The following MLLT10 variants were observed in gnomAD, a reference collection of about 807,000 sequenced individuals.
MLLT10 encodes MLLT10 histone lysine methyltransferase DOT1L cofactor.
A neutral mutation model predicts 129.1 loss-of-function variants in MLLT10; 30 were observed. The observed-to-expected ratio is 0.23, with a 90% CI of 0.17 to 0.32. The LOEUF is 0.32. Ranked by LOEUF, MLLT10 falls within the 10% of genes least tolerant of loss-of-function variation. The pLI is 1.00. For missense variants in MLLT10, 1,119 were observed against 1,268.3 expected (o/e 0.88, Z 1.79); for synonymous variants, 490 against 446.4 (o/e 1.10, Z -1.23).
chr10:21,617,982 C>T (rs2045433735), intron 8 of MLLT10, among the ~76,000 whole-genome samples: 1 of 151,942 alleles, frequency 6.6e-6, no homozygotes, highest in Admixed American at 6.6e-5. Context: ...CCAGTGCACA[C>T]CAGCTTGGGA....
intron 13 of MLLT10, among the ~76,000 whole-genome samples, chr10:21,690,498 G>A (rs2053748001): frequency 6.6e-6 from 1 of 152,048 alleles, no homozygotes; most frequent in South Asian, 2.1e-4. Context: ...TTTCTTTTTA[G>A]TGTACTTCAG....
rs142968195 is a variant in MLLT10, at chr10:21,612,969, G to A, written c.509+518G>A. On this transcript the variant is annotated intron_variant, in intron 6 of 22. Transcript: ENST00000307729. ...AGCACTTTGGGAGGCCGAGGTGGGT[G>A]GATCACCTGAGGTCAGGAGGTCCAG... Among the ~76,000 whole-genome samples the A allele has an allele frequency of 4.1e-3, 624 of 152,120 alleles. 26 individuals carry two copies. In the East Asian group the frequency reaches 0.11, roughly 27 times the overall value.
chr10:21,691,372 A>G (rs1165855196), intron 13 of MLLT10, among the ~76,000 whole-genome samples: 1 of 152,204 alleles, frequency 6.6e-6, no homozygotes, highest in Non-Finnish European at 1.5e-5. Flanking sequence ...TGATATATAC[A>G]TATGGATATA....
At chr10:21,665,439 C>T (rs571333151) in intron 9 of MLLT10, among the ~76,000 whole-genome samples, 82 of 151,948 alleles carry the variant, frequency 5.4e-4, no homozygotes, top group Non-Finnish European at 1.0e-3. Context: ...CAGGTATGTG[C>T]CACCACGCCC....
intron 5 of MLLT10, among the ~76,000 whole-genome samples, chr10:21,610,984 C>CTTTTTTTTTTTT (rs71393913): frequency 4.9e-4 from 50 of 102,888 alleles, no homozygotes; most frequent in Non-Finnish European, 6.9e-4. Context: ...TCTTTTTTCT[C>CTTTTTTTTTTTT]TTTTTTTTTT....
chr10:21,547,806 T>C (rs781740973), intron 3 of MLLT10, among the ~76,000 whole-genome samples: 2 of 152,340 alleles, frequency 1.3e-5, no homozygotes, highest in Non-Finnish European at 2.9e-5. Context: ...CCCAAAGTGC[T>C]GGTATTACAG....
intron 17 of MLLT10, among the ~76,000 whole-genome samples, chr10:21,732,648 G>GGTAT (rs2058060180): frequency 1.3e-5 from 2 of 151,992 alleles, no homozygotes; most frequent in South Asian, 4.2e-4. Flanking sequence ...TGTGTTTTTT[G>GGTAT]GTATGTGGCA....
chr10:21,662,564 T>G (rs2050319615), intron 9 of MLLT10, among the ~76,000 whole-genome samples: 1 of 152,214 alleles, frequency 6.6e-6, no homozygotes. Flanking sequence ...CATTTCTGAT[T>G]TGCTTTCATT....
chr10:21,600,888 G>A (rs2043461594), intron 5 of MLLT10, among the ~76,000 whole-genome samples: 2 of 151,906 alleles, frequency 1.3e-5, no homozygotes, highest in Non-Finnish European at 2.9e-5. Context: ...CTTTTTCTCA[G>A]GAATAGTAAA....
intron 5 of MLLT10, among the ~76,000 whole-genome samples, chr10:21,602,014 A>C (rs1361098028): frequency 1.3e-5 from 2 of 152,200 alleles, no homozygotes; most frequent in Non-Finnish European, 2.9e-5. Context: ...AGACAGGTCA[A>C]ATTTGAGAAA....
At position 21,551,478 on chromosome 10, in the gene MLLT10, T is replaced by A. The variant is rs1055168397; in HGVS notation, c.240+12566T>A. Among the ~76,000 whole-genome samples, 3 of 151,156 alleles carry A rather than the reference T, an allele frequency of 2.0e-5. No homozygotes were observed. The South Asian group carries it at 6.2e-4, about 31-fold the overall frequency. ...TTCAGCATAATATCGTAAGTTCCTA[T>A]AGCTTTCAAAGAGGTGGTTTTCAAA... On this transcript the variant is annotated intron_variant, in intron 3 of 22. Transcript: ENST00000307729.
At chr10:21,655,205 T>C (rs2049441655) in intron 9 of MLLT10, among the ~76,000 whole-genome samples, 1 of 152,096 alleles carries the variant, frequency 6.6e-6, no homozygotes, top group South Asian at 2.1e-4. Context: ...GACTGGAGGT[T>C]ATAAAAGATT....
At chr10:21,626,752 TAA>T (rs920858803) in intron 8 of MLLT10, among the ~76,000 whole-genome samples, 68 of 152,314 alleles carry the variant, frequency 4.5e-4, no homozygotes, top group African/African-American at 1.6e-3. Context: ...TTTGTCTTTG[TAA>T]AAGTTTTCTA....
At position 21,673,337 on chromosome 10, in the gene MLLT10, T is replaced by G; in HGVS notation, c.1052-13T>G. The G allele has an allele frequency of 2.8e-6, 3 of 1,053,594 alleles. No homozygotes were observed. The highest frequency in any genetic ancestry group is 3.7e-6 in the Non-Finnish European group (3 of 801,264). The allele number at this position is 1,053,594 out of a possible 1,614,324, so 65.3% of individuals were successfully genotyped here. A position where few individuals can be genotyped will look rare whatever the true frequency, so the allele number is the denominator to read the frequency against. On this transcript the variant is annotated splice_polypyrimidine_tract_variant and intron_variant, in intron 10 of 22. Coordinates refer to ENST00000307729, the MANE Select transcript of MLLT10 (RefSeq NM_001195626.3). The stretch of plus-strand genomic sequence containing the variant: ...CCCCAACTTTTTTTTTTTTTTTTTT[T>G]TTTAAACTACAGGCAGTTTTTCAGG...
At chr10:21,561,374 C>A (rs146966337) in intron 3 of MLLT10, among the ~76,000 whole-genome samples, 373 of 152,236 alleles carry the variant, frequency 2.5e-3, no homozygotes, top group African/African-American at 8.3e-3. Context: ...GATTCTTCTG[C>A]CTCACCCTTC....
intron 16 of MLLT10, among the ~76,000 whole-genome samples, chr10:21,729,773 T>C (rs751919127): frequency 2.6e-5 from 4 of 152,142 alleles, no homozygotes; most frequent in African/African-American, 4.8e-5. Flanking sequence ...TACAAACGCA[T>C]TGGAAATTCT....
intron 14 of MLLT10, among the ~76,000 whole-genome samples, 159 bp from the exon 15 acceptor site, chr10:21,726,085 A>G (rs1453373418): frequency 6.6e-6 from 1 of 152,166 alleles, no homozygotes; most frequent in Non-Finnish European, 1.5e-5. Context: ...GACATGTTGA[A>G]TGGTAAAACA....
At position 21,743,301 on chromosome 10, in the gene MLLT10, T is replaced by C. The variant is rs777512462; in HGVS notation, c.*1318T>C. The C allele has an allele frequency of 1.3e-5, 3 of 223,942 alleles. No individual in the cohort carries two copies. The highest frequency in any genetic ancestry group is 2.2e-5 in the African/African-American group (1 of 44,848). 13.9% of individuals were successfully genotyped at this position (223,942 alleles called of 1,614,324 possible). On this transcript the variant is annotated 3_prime_UTR_variant, in exon 23 of 23. Transcript: ENST00000307729. ...ACAGTTCTTACCTCATTTCTGTAAA[T>C]AAAGTTTTGTGAATCTGTTTTGTAT... is the stretch of plus-strand genomic sequence containing the variant.
intron 14 of MLLT10, among the ~76,000 whole-genome samples, chr10:21,725,691 A>C (rs1383199899): frequency 7.1e-6 from 1 of 141,398 alleles, no homozygotes; most frequent in East Asian, 2.4e-4. Context: ...ATTGCACTCC[A>C]GCCTGGGTAA....
Sources: allele counts gnomAD v4.1 joint callset (sites outside exome capture counted in the v4.1 genomes callset), GRCh38; gene constraint gnomAD v4.1.1; transcripts MANE v1.5; gene names NCBI Gene and HGNC (gene_info 2026-07-23, HGNC 2026-07-21).